SSBP3: variants seen among roughly 807,000 people sequenced by gnomAD.
SSBP3 encodes single-stranded DNA-binding protein 3.
In SSBP3, 5 loss-of-function variants were observed where a neutral mutation model predicts 69.6. The observed-to-expected ratio is 0.07, with a 90% CI of 0.04 to 0.15. SSBP3 has a LOEUF of 0.15. Among genes scored for constraint, SSBP3 ranks in the 10% least tolerant of loss-of-function variants. The pLI is 1.00. For missense variants in SSBP3, 312 were observed against 534.0 expected (o/e 0.58, Z 4.10); for synonymous variants, 196 against 193.4 (o/e 1.01, Z -0.11).
At chr1:54,235,723 C>T (rs2100599112) in intron 14 of SSBP3, among the ~76,000 whole-genome samples, 1 of 152,066 alleles carries the variant, frequency 6.6e-6, no homozygotes, top group African/African-American at 2.4e-5. Flanking sequence ...GCTCGGATTA[C>T]AGGCATGAGC....
At chr1:54,381,802 G>A (rs959157986) in intron 4 of SSBP3, among the ~76,000 whole-genome samples, 7 of 152,270 alleles carry the variant, frequency 4.6e-5, no homozygotes, top group African/African-American at 1.7e-4. Context: ...CCAGGGAAGG[G>A]TGACCCCACA....
intron 4 of SSBP3, among the ~76,000 whole-genome samples, chr1:54,398,823 G>A (rs972446975): frequency 1.3e-5 from 2 of 152,068 alleles, no homozygotes; most frequent in South Asian, 2.1e-4. Flanking sequence ...CAATGCTCCC[G>A]TTGCCCCTGT....
intron 5 of SSBP3, among the ~76,000 whole-genome samples, chr1:54,265,584 C>G (rs1325336036): frequency 6.6e-6 from 1 of 152,100 alleles, no homozygotes; most frequent in Non-Finnish European, 1.5e-5. Flanking sequence ...AATCAATGGC[C>G]CTTTGTGGGG....
At chr1:54,382,985 CAAA>C (rs781100304) in intron 4 of SSBP3, among the ~76,000 whole-genome samples, 2 of 89,956 alleles carry the variant, frequency 2.2e-5, no homozygotes, top group Admixed American at 1.2e-4. Flanking sequence ...AACTCCATGA[CAAA>C]AAAAAAAAAA....
chr1:54,376,724 C>G (rs1190373544), intron 4 of SSBP3, among the ~76,000 whole-genome samples: 1 of 152,200 alleles, frequency 6.6e-6, no homozygotes, highest in South Asian at 2.1e-4. Flanking sequence ...AGCTCCTCCA[C>G]CACCAGCGCA....
At chr1:54,371,820 A>G (rs1034606545) in intron 4 of SSBP3, among the ~76,000 whole-genome samples, 4 of 151,976 alleles carry the variant, frequency 2.6e-5, no homozygotes, top group African/African-American at 7.3e-5. Context: ...GGGGTGGGGG[A>G]GTGGCTACCT....
intron 4 of SSBP3, among the ~76,000 whole-genome samples, chr1:54,289,020 C>CA (rs777871964): frequency 0.064 from 2,815 of 43,650 alleles, 245 homozygotes; most frequent in Non-Finnish European, 0.094. Flanking sequence ...ACTCTGTCTC[C>CA]AAAAAAAAAA....
chr1:54,400,778 A>T (rs969806920), intron 4 of SSBP3, among the ~76,000 whole-genome samples: 1 of 152,232 alleles, frequency 6.6e-6, no homozygotes, highest in Non-Finnish European at 1.5e-5. Context: ...ATTGGTGATC[A>T]TGGGATTTGA....
intron 4 of SSBP3, among the ~76,000 whole-genome samples, chr1:54,386,959 G>A (rs140718847): frequency 6.5e-4 from 99 of 151,908 alleles, no homozygotes; most frequent in African/African-American, 2.3e-3. Context: ...CACCCACCCC[G>A]AGTACATTCT....
chr1:54,297,030 G>C (rs952725210), intron 4 of SSBP3, among the ~76,000 whole-genome samples: 4 of 152,168 alleles, frequency 2.6e-5, no homozygotes, highest in African/African-American at 9.7e-5. Context: ...TATCTTGCTG[G>C]TGACACGAAC....
At chr1:54,260,753 G>A (rs1008342855) in intron 5 of SSBP3, among the ~76,000 whole-genome samples, 2 of 152,094 alleles carry the variant, frequency 1.3e-5, no homozygotes, top group African/African-American at 4.8e-5. Context: ...TCTGGCTCAT[G>A]GGGAACAAGC....
chr1:54,407,583 C>A (rs1259334054), upstream of SSBP3, among the ~76,000 whole-genome samples: 1 of 151,876 alleles, frequency 6.6e-6, no homozygotes, highest in Non-Finnish European at 1.5e-5. Context: ...GGGGAAGGCT[C>A]CCCCATTTTC....
intron 4 of SSBP3, among the ~76,000 whole-genome samples, chr1:54,393,654 A>T (rs1237113543): frequency 6.6e-6 from 1 of 152,260 alleles, no homozygotes; most frequent in Non-Finnish European, 1.5e-5. Context: ...ATTAAAAAAG[A>T]AAAATGACAG....
At chr1:54,241,348 T>C in intron 12 of SSBP3, 126 bp downstream of exon 12, 1 of 1,091,112 alleles carries the variant, frequency 9.2e-7, no homozygotes, top group Non-Finnish European at 1.4e-6. Context: ...CAGCAAGTTC[T>C]AGCAGTTTGG....
At chr1:54,247,343 C>G (rs958930447) in intron 9 of SSBP3, among the ~76,000 whole-genome samples, 3 of 152,242 alleles carry the variant, frequency 2.0e-5, no homozygotes, top group African/African-American at 7.2e-5. Flanking sequence ...GTCTTTAGGA[C>G]TCACCTACCA....
rs368723623 is a variant in SSBP3 at position 54,382,503 on chromosome 1, T to C, written c.276+19358A>G. On this transcript the variant is annotated intron_variant, in intron 4 of 17. Coordinates refer to ENST00000610401, the Ensembl canonical transcript of SSBP3. ...AACGGCAGAGGCATCAAATATTTGA[T>C]GAATGGAAGACTAGACAGATTAGAT... is the stretch of plus-strand genomic sequence containing the variant. 2.0e-5 allele frequency among the ~76,000 whole-genome samples: 3 copies of C among 152,366 alleles called. No homozygotes were observed. The East Asian group carries it at 5.8e-4, about 29-fold the overall frequency.
chr1:54,327,989 A>G (rs1413826272), intron 4 of SSBP3, among the ~76,000 whole-genome samples: 1 of 152,232 alleles, frequency 6.6e-6, no homozygotes, highest in Non-Finnish European at 1.5e-5. Context: ...CACGAAGAAG[A>G]GTCTCCCATA....
chr1:54,326,045 G>A (rs1008282236), intron 4 of SSBP3, among the ~76,000 whole-genome samples: 1 of 151,964 alleles, frequency 6.6e-6, no homozygotes, highest in African/African-American at 2.4e-5. Context: ...CGAGGTATAG[G>A]AGCAGGTTCC....
At chr1:54,388,563 T>C (rs1272268634) in intron 4 of SSBP3, among the ~76,000 whole-genome samples, 1 of 152,226 alleles carries the variant, frequency 6.6e-6, no homozygotes, top group African/African-American at 2.4e-5. Flanking sequence ...ACCAAGCTAT[T>C]AAGTGGGAAA....
Sources: gnomAD v4.1 joint callset for allele counts (sites outside exome capture counted in the v4.1 genomes callset) on GRCh38, gnomAD v4.1.1 for gene constraint, MANE v1.5 for transcripts, NCBI Gene and HGNC (gene_info 2026-07-23, HGNC 2026-07-21) for gene names.